Variants in EVI5 observed in about 807,000 individuals in gnomAD.
EVI5 encodes ecotropic viral integration site 5 protein homolog.
A neutral mutation model predicts 112.0 loss-of-function variants in EVI5; 73 were observed. That is an observed-to-expected ratio of 0.65 (90% CI 0.54 to 0.79). The LOEUF (loss-of-function observed/expected upper bound fraction) is 0.79, where lower values mean the gene tolerates loss of function less well. EVI5 is among the 30% of genes least tolerant of loss of function. EVI5 has a pLI of 0.00. For synonymous variants in EVI5, 305 were observed against 319.9 expected (o/e 0.95, Z 0.50); for missense variants, 900 against 968.8 (o/e 0.93, Z 0.94).
At chr1:92,775,397 A>C (rs1395644333) in intron 1 of EVI5, among the ~76,000 whole-genome samples, 2 of 151,808 alleles carry the variant, frequency 1.3e-5, no homozygotes, top group Admixed American at 6.6e-5. Flanking sequence ...ACTGCACTCC[A>C]GCCTGCGAGA....
At chr1:92,772,415 T>C (rs1190817302) in intron 1 of EVI5, among the ~76,000 whole-genome samples, 1 of 150,384 alleles carries the variant, frequency 6.6e-6, no homozygotes, top group South Asian at 2.1e-4. Flanking sequence ...GCTAACACAG[T>C]GAAACCCTGA....
At chr1:92,537,008 C>T (rs1264819036) in intron 19 of EVI5, among the ~76,000 whole-genome samples, 1 of 152,036 alleles carries the variant, frequency 6.6e-6, no homozygotes, top group African/African-American at 2.4e-5. Flanking sequence ...AAAAAAATTT[C>T]CCCTGTGTGT....
At chr1:92,531,075 G>A (rs1304366918) in intron 19 of EVI5, among the ~76,000 whole-genome samples, 3 of 151,954 alleles carry the variant, frequency 2.0e-5, no homozygotes, top group African/African-American at 7.2e-5. Context: ...AGAATAACCA[G>A]TTTAGAGAAG....
chr1:92,592,589 T>C (rs989773759), intron 18 of EVI5, among the ~76,000 whole-genome samples: 5 of 151,928 alleles, frequency 3.3e-5, no homozygotes, highest in East Asian at 3.9e-4. Flanking sequence ...CTGAAGGAAA[T>C]AGAAACATTA....
At chr1:92,609,871 CTCTT>C (rs915078918) in intron 16 of EVI5, among the ~76,000 whole-genome samples, 7 of 140,760 alleles carry the variant, frequency 5.0e-5, no homozygotes, top group Admixed American at 2.9e-4. Flanking sequence ...CATTCTCTCT[CTCTT>C]TTTTGTTTTT....
chr1:92,731,343 T>C (rs545242578), intron 2 of EVI5, among the ~76,000 whole-genome samples: 21 of 152,114 alleles, frequency 1.4e-4, no homozygotes, highest in Non-Finnish European at 2.6e-4. Flanking sequence ...AGAAATACAA[T>C]TGTATTTTCT....
upstream of EVI5, among the ~76,000 whole-genome samples, chr1:92,785,780 T>A (rs1685569078): frequency 6.6e-6 from 1 of 152,108 alleles, no homozygotes; most frequent in Non-Finnish European, 1.5e-5. Flanking sequence ...TTACTTTCAT[T>A]ATATGTTTAG....
chr1:92,671,800 T>A (rs1207807488), intron 10 of EVI5, among the ~76,000 whole-genome samples: 1 of 124,758 alleles, frequency 8.0e-6, no homozygotes, highest in Non-Finnish European at 1.7e-5. Flanking sequence ...CAAGCCACCA[T>A]CATCTTTTTT....
intron 18 of EVI5, among the ~76,000 whole-genome samples, chr1:92,593,863 G>A (rs1674442131): frequency 6.6e-6 from 1 of 152,130 alleles, no homozygotes; most frequent in African/African-American, 2.4e-5. Flanking sequence ...CAGCTTACAA[G>A]GGATGTGAAG....
chr1:92,659,407 A>G (rs1331366016), intron 13 of EVI5, among the ~76,000 whole-genome samples: 1 of 152,190 alleles, frequency 6.6e-6, no homozygotes, highest in East Asian at 1.9e-4. Context: ...CTCAACAAGA[A>G]AAATAAAACT....
At chr1:92,613,420 T>G (rs1488784005) in intron 16 of EVI5, among the ~76,000 whole-genome samples, 1 of 152,068 alleles carries the variant, frequency 6.6e-6, no homozygotes, top group Non-Finnish European at 1.5e-5. Flanking sequence ...TCCCTCAGCC[T>G]CCCAAGTAGC....
chr1:92,703,326 A>T, intron 4 of EVI5, 69 bp downstream of exon 4: 1 of 972,202 alleles, frequency 1.0e-6, no homozygotes, highest in South Asian at 1.6e-5. Flanking sequence ...ATGCTTCATC[A>T]TGAAAAATGT....
chr1:92,771,805 CTG>C (rs1159141186), intron 1 of EVI5, among the ~76,000 whole-genome samples: 1 of 151,632 alleles, frequency 6.6e-6, no homozygotes, highest in Non-Finnish European at 1.5e-5. Context: ...TATTACTTTA[CTG>C]TGTGTTTTAC....
intron 1 of EVI5, among the ~76,000 whole-genome samples, chr1:92,776,964 G>A (rs1469908105): frequency 1.3e-5 from 2 of 152,072 alleles, no homozygotes; most frequent in African/African-American, 4.8e-5. Flanking sequence ...CACCACGCCT[G>A]GCTAATTTTT....
At chr1:92,693,925 T>C (rs770701653) in intron 8 of EVI5, 26 bp from the exon 9 acceptor site, 16 of 1,298,768 alleles carry the variant, frequency 1.2e-5, no homozygotes, top group Non-Finnish European at 1.6e-5. Context: ...AAAAAAAACA[T>C]AAGAATGACT....
chr1:92,592,794 C>T (rs1393735613), intron 18 of EVI5, among the ~76,000 whole-genome samples: 1 of 152,240 alleles, frequency 6.6e-6, no homozygotes, highest in African/African-American at 2.4e-5. Flanking sequence ...ATAAACACCT[C>T]TATGCAAATA....
At chr1:92,703,726 T>G (rs3762277) in intron 3 of EVI5, 107 bp from the exon 4 acceptor site, 4 of 689,368 alleles carry the variant, frequency 5.8e-6, no homozygotes, top group Non-Finnish European at 9.5e-6. Flanking sequence ...ATCATTAAAT[T>G]TGTAACTCAC....
chr1:92,717,149 A>G (rs920551008), intron 2 of EVI5, among the ~76,000 whole-genome samples: 2 of 152,222 alleles, frequency 1.3e-5, no homozygotes, highest in African/African-American at 2.4e-5. Context: ...ACAAGTTTCA[A>G]TAGCTGATTT....
rs191152202 is a variant in EVI5, at chr1:92,540,585, T to C, written c.2166+23057A>G. The stretch of plus-strand genomic sequence containing the variant: ...ATATATTCTAGATACAGGCCCCTTA[T>C]CAGGTAAATGATTTGATTTTTTTCT... On this transcript the variant is annotated intron_variant, in intron 19 of 19. Coordinates refer to ENST00000684568, the MANE Select transcript of EVI5 (RefSeq NM_001350197.2). Among the ~76,000 whole-genome samples, 338 of 152,340 alleles carry C rather than the reference T, an allele frequency of 2.2e-3. 1 individual carries two copies. The highest frequency in any genetic ancestry group is 0.017 in the Middle Eastern group (5 of 294).
Sources: allele counts gnomAD v4.1 joint callset (sites outside exome capture counted in the v4.1 genomes callset), GRCh38; gene constraint gnomAD v4.1.1; transcripts MANE v1.5; gene names NCBI Gene and HGNC (gene_info 2026-07-23, HGNC 2026-07-21).